DLG2: variants seen among roughly 807,000 people sequenced by gnomAD.
DLG2 encodes discs large MAGUK scaffold protein 2.
Under a neutral mutation model 132.5 loss-of-function variants are expected in DLG2, and 45 were observed. The ratio of observed to expected loss-of-function variants is 0.34; its 90% CI spans 0.27 to 0.44. The LOEUF is 0.44. Ranked by LOEUF, DLG2 falls within the 20% of genes least tolerant of loss-of-function variation. The probability of loss-of-function intolerance (pLI) is 1.00; values close to 1 mark genes in which losing one functional copy is unlikely to be tolerated. For missense variants in DLG2, 1,045 were observed against 1,196.9 expected, an observed-to-expected ratio of 0.87 and a Z score of 1.87; for synonymous variants, 424 against 419.6, an observed-to-expected ratio of 1.01 and a Z score of -0.13.
chr11:85,436,157 A>C (rs1282685653), intron 3 of DLG2, among the ~76,000 whole-genome samples: 1 of 152,190 alleles, frequency 6.6e-6, no homozygotes, highest in African/African-American at 2.4e-5. Context: ...ACAAAAATTA[A>C]CTCAAGATGG....
intron 6 of DLG2, among the ~76,000 whole-genome samples, chr11:84,681,302 A>C (rs1200643465): frequency 3.3e-5 from 5 of 152,170 alleles, no homozygotes; most frequent in African/African-American, 1.2e-4. Context: ...CTCTGTGCTA[A>C]GTGATTTATC....
In DLG2 at chr11:84,755,189, CAGTT is replaced by C. The variant is rs147645664; in HGVS notation, c.358-220462_358-220459del. On this transcript the variant is annotated intron_variant, in intron 6 of 27. Transcript: ENST00000376104. Reference sequence around the variant, plus strand: ...GTTACAGTGAATGTTTTGAAGGTCACAGTTAGTCACAAATTTATTTTGAGTCAGA... The same window carrying C: ...GTTACAGTGAATGTTTTGAAGGTCACAGTCACAAATTTATTTTGAGTCAGA... 6.0e-3 allele frequency among the ~76,000 whole-genome samples: 911 copies of C among 152,282 alleles called. 17 individuals carry two copies. Among genetic ancestry groups the C allele is most frequent in the African/African-American group, 0.021 (873 of 41,542 alleles).
At position 85,090,935 on chromosome 11, in the gene DLG2, G is replaced by C. The variant is rs145886672; in HGVS notation, c.357+20726C>G. 3.3e-3 allele frequency among the ~76,000 whole-genome samples: 496 copies of C among 152,300 alleles called. 3 individuals carry two copies. The highest frequency in any genetic ancestry group is 0.011 in the African/African-American group (465 of 41,560). ...TCCATTTATGGCAGAAGACAAAGGG[G>C]AGCCAGCATGCACAGAGATCATATG... On this transcript the variant is annotated intron_variant, in intron 6 of 27. Transcript: ENST00000376104.
intron 6 of DLG2, among the ~76,000 whole-genome samples, chr11:84,559,739 A>G (rs1159846977): frequency 6.6e-6 from 1 of 152,110 alleles, no homozygotes; most frequent in Non-Finnish European, 1.5e-5. Context: ...TCTGAATATA[A>G]CTATTTCCTG....
intron 6 of DLG2, among the ~76,000 whole-genome samples, chr11:84,648,563 G>A (rs1269449156): frequency 6.6e-6 from 1 of 152,122 alleles, no homozygotes; most frequent in Admixed American, 6.5e-5. Flanking sequence ...TGTTGGAGGT[G>A]GGGGCTGGTG....
chr11:85,163,597 T>C (rs1466202261), intron 4 of DLG2, among the ~76,000 whole-genome samples: 1 of 152,152 alleles, frequency 6.6e-6, no homozygotes, highest in East Asian at 1.9e-4. Flanking sequence ...AAAGGCAGCA[T>C]GCTCTGAAGG....
chr11:85,057,043 T>C (rs1241852986), intron 6 of DLG2, among the ~76,000 whole-genome samples: 2 of 151,808 alleles, frequency 1.3e-5, no homozygotes, highest in Non-Finnish European at 3.0e-5. Flanking sequence ...TATGGGTAAG[T>C]CTAAGTGAAT....
intron 7 of DLG2, among the ~76,000 whole-genome samples, chr11:84,341,347 A>T (rs531344505): frequency 1.3e-5 from 2 of 152,226 alleles, no homozygotes; most frequent in South Asian, 4.1e-4. Context: ...ATATTGCCTT[A>T]ACTAATAAAA....
chr11:85,616,548 C>A (rs149616512), intron 2 of DLG2, among the ~76,000 whole-genome samples: 1 of 152,086 alleles, frequency 6.6e-6, no homozygotes, highest in African/African-American at 2.4e-5. Flanking sequence ...TATGCCAGGA[C>A]AAAACCCAGA....
chr11:85,488,605 AG>A (rs2093485914), intron 3 of DLG2, among the ~76,000 whole-genome samples: 1 of 152,208 alleles, frequency 6.6e-6, no homozygotes, highest in African/African-American at 2.4e-5. Context: ...AAAATCAGCA[AG>A]AGAAAGGTAT....
At chr11:83,498,692 A>G (rs2094285868) in intron 21 of DLG2, among the ~76,000 whole-genome samples, 1 of 151,512 alleles carries the variant, frequency 6.6e-6, no homozygotes, top group Non-Finnish European at 1.5e-5. Flanking sequence ...AAAAACAATA[A>G]TAAATATTAG....
chr11:84,385,826 C>T (rs950287308), intron 7 of DLG2, among the ~76,000 whole-genome samples: 1 of 151,976 alleles, frequency 6.6e-6, no homozygotes, highest in Non-Finnish European at 1.5e-5. Context: ...AATAAAGAGA[C>T]CTGTATGCAC....
intron 6 of DLG2, among the ~76,000 whole-genome samples, chr11:84,571,584 G>T (rs1031428989): frequency 6.6e-6 from 1 of 152,040 alleles, no homozygotes; most frequent in African/African-American, 2.4e-5. Context: ...ATGCCAATGT[G>T]TACAGTCTCC....
chr11:85,330,939 T>C (rs547919562), intron 3 of DLG2, among the ~76,000 whole-genome samples: 5 of 152,310 alleles, frequency 3.3e-5, no homozygotes, highest in Non-Finnish European at 7.3e-5. Context: ...GGATTTCCCA[T>C]GTATACTGAG....
chr11:84,901,132 G>A (rs970297944), intron 6 of DLG2, among the ~76,000 whole-genome samples: 1 of 152,004 alleles, frequency 6.6e-6, no homozygotes, highest in Non-Finnish European at 1.5e-5. Flanking sequence ...CATACCCTCT[G>A]ACACCATGTT....
chr11:84,873,734 G>A (rs1165904897), intron 6 of DLG2, among the ~76,000 whole-genome samples: 2 of 152,194 alleles, frequency 1.3e-5, no homozygotes, highest in African/African-American at 4.8e-5. Context: ...AAACCGTGTT[G>A]AGGTTCATTG....
rs184664131 is a variant in DLG2, at chr11:85,151,021, T to A, written c.282+3535A>T. Among the ~76,000 whole-genome samples the A allele has an allele frequency of 1.2e-3, 183 of 152,300 alleles. 2 individuals carry two copies. The highest frequency in any genetic ancestry group is 4.3e-3 in the African/African-American group (178 of 41,570). On this transcript the variant is annotated intron_variant, in intron 5 of 27. Coordinates refer to ENST00000376104, the MANE Select transcript of DLG2 (RefSeq NM_001142699.3). ...AAGCATTTCAATTTCTCCACATCTT[T>A]ATCAACACATTATTTTCTGTTATTT...
At chr11:84,635,037 TGCAAAGA>T (rs1227677072) in intron 6 of DLG2, among the ~76,000 whole-genome samples, 1 of 152,232 alleles carries the variant, frequency 6.6e-6, no homozygotes, top group African/African-American at 2.4e-5. Context: ...CAGGGGCCTC[TGCAAAGA>T]GCAAGTGATC....
chr11:84,314,315 A>G (rs913774486), intron 7 of DLG2, among the ~76,000 whole-genome samples: 4 of 152,216 alleles, frequency 2.6e-5, no homozygotes, highest in African/African-American at 7.2e-5. Flanking sequence ...AGGTTTTACA[A>G]TATTTCACAG....
Sources: gnomAD v4.1 joint callset for allele counts (sites outside exome capture counted in the v4.1 genomes callset) on GRCh38, gnomAD v4.1.1 for gene constraint, MANE v1.5 for transcripts, NCBI Gene and HGNC (gene_info 2026-07-23, HGNC 2026-07-21) for gene names.